Variants in LHFPL4 observed in about 807,000 individuals in gnomAD.
The protein encoded by LHFPL4 is LHFPL tetraspan subfamily member 4 protein.
Under a neutral mutation model 20.0 loss-of-function variants are expected in LHFPL4, and 6 were observed. The observed-to-expected ratio is 0.30, with a 90% CI of 0.16 to 0.59. LHFPL4 has a LOEUF of 0.59. Ranked by LOEUF, LHFPL4 falls within the 20% of genes least tolerant of loss-of-function variation. The probability of loss-of-function intolerance (pLI) is 0.88; values close to 1 mark genes in which losing one functional copy is unlikely to be tolerated. For synonymous variants in LHFPL4, 129 were observed against 143.8 expected, an observed-to-expected ratio of 0.90 and a Z score of 0.74; for missense variants, 215 against 331.2, an observed-to-expected ratio of 0.65 and a Z score of 2.72.
intron 2 of LHFPL4, among the ~76,000 whole-genome samples, chr3:9,511,060 TA>T (rs1193612329): frequency 3.0e-4 from 46 of 151,756 alleles, no homozygotes; most frequent in Non-Finnish European, 6.0e-4. Context: ...ATTATTAATT[TA>T]AAAAATTCAG....
intron 2 of LHFPL4, among the ~76,000 whole-genome samples, chr3:9,512,750 CTT>C (rs1427552199): frequency 6.6e-6 from 1 of 152,202 alleles, no homozygotes; most frequent in Non-Finnish European, 1.5e-5. Flanking sequence ...ACCGGGTACT[CTT>C]TGTCCCATTT....
chr3:9,531,846 GA>G (rs1164445210), intron 2 of LHFPL4, among the ~76,000 whole-genome samples: 1 of 150,576 alleles, frequency 6.6e-6, no homozygotes, highest in Non-Finnish European at 1.5e-5. Context: ...AAAACTAAAG[GA>G]GAGTTCAAAG....
chr3:9,505,911 C>G lies in LHFPL4; in HGVS notation c.643+56G>C. 18 of 1,480,754 alleles carry G rather than the reference C, an allele frequency of 1.2e-5. 1 individual carries two copies. The South Asian group carries it at 1.8e-4, about 15-fold the overall frequency. 91.7% of individuals were successfully genotyped at this position (1,480,754 alleles called of 1,614,324 possible). On this transcript the variant is annotated intron_variant, in intron 3 of 3. Coordinates refer to ENST00000287585, the MANE Select transcript of LHFPL4 (RefSeq NM_198560.3). ...ACTCCTTTTATTTGAAATTATCCTGCCTCCCAGGACCAGGCCTGGCTCCCG... is the reference window on the plus strand; with the variant it reads ...ACTCCTTTTATTTGAAATTATCCTGGCTCCCAGGACCAGGCCTGGCTCCCG...
chr3:9,505,841 G>A (rs2046214254), intron 3 of LHFPL4, 126 bp downstream of exon 3: 2 of 914,584 alleles, frequency 2.2e-6, no homozygotes, highest in Non-Finnish European at 3.4e-6. Context: ...TTATAGGCGT[G>A]AGCCACCACG....
chr3:9,544,651 C>T (rs1559523769), intron 2 of LHFPL4, among the ~76,000 whole-genome samples: 1 of 151,938 alleles, frequency 6.6e-6, no homozygotes, highest in Non-Finnish European at 1.5e-5. Context: ...CAAACAAAAA[C>T]AAATAAAGTC....
At chr3:9,515,467 G>A (rs534782047) in intron 2 of LHFPL4, among the ~76,000 whole-genome samples, 3 of 152,172 alleles carry the variant, frequency 2.0e-5, no homozygotes, top group South Asian at 2.1e-4. Context: ...TCTGCCTTTC[G>A]GGTTCAAGCA....
In LHFPL4 at chr3:9,501,944, A is replaced by G; in HGVS notation, c.*267T>C. 1 of 481,074 alleles carries G rather than the reference A, an allele frequency of 2.1e-6. No individual in the cohort carries two copies. The allele number at this position is 481,074 out of a possible 1,614,324, so 29.8% of individuals were successfully genotyped here. On this transcript the variant is annotated 3_prime_UTR_variant, in exon 4 of 4. Coordinates refer to ENST00000287585, the MANE Select transcript of LHFPL4 (RefSeq NM_198560.3). ...AGGCCAGTCTAGAGAGGAGAGGAGA[A>G]GCCCAAGGGCCTACGCAGATGCAGG... is the stretch of plus-strand genomic sequence containing the variant.
In LHFPL4 at chr3:9,535,773, G is replaced by A. The variant is rs990095115; in HGVS notation, c.406+16501C>T. 4.0e-5 allele frequency among the ~76,000 whole-genome samples: 6 copies of A among 151,784 alleles called. No individual in the cohort carries two copies. The East Asian group carries it at 7.8e-4, about 20-fold the overall frequency. ...CATTGGGGCCACAGCTTGCTTGCTC[G>A]CTTGCTTGCTTTCCTATATTTTTAT... On this transcript the variant is annotated intron_variant, in intron 2 of 3. Coordinates refer to ENST00000287585, the MANE Select transcript of LHFPL4 (RefSeq NM_198560.3).
chr3:9,520,500 C>T (rs914831345), intron 2 of LHFPL4, among the ~76,000 whole-genome samples: 2 of 151,868 alleles, frequency 1.3e-5, no homozygotes, highest in East Asian at 3.9e-4. Context: ...ATTACAGGCA[C>T]GTGCCACCAC....
At chr3:9,504,133 A>G (rs985842504) in intron 3 of LHFPL4, among the ~76,000 whole-genome samples, 10 of 152,024 alleles carry the variant, frequency 6.6e-5, no homozygotes, top group Admixed American at 1.3e-4. Context: ...CACTTTGGGA[A>G]GCTGAGGCAG....
intron 2 of LHFPL4, among the ~76,000 whole-genome samples, chr3:9,549,820 C>T (rs1323219152): frequency 1.3e-5 from 2 of 152,224 alleles, no homozygotes; most frequent in African/African-American, 2.4e-5. Flanking sequence ...TTATCACTTT[C>T]TGAATGGAAT....
intron 2 of LHFPL4, among the ~76,000 whole-genome samples, chr3:9,514,818 C>T (rs2046287417): frequency 6.6e-6 from 1 of 152,186 alleles, no homozygotes; most frequent in East Asian, 1.9e-4. Context: ...TCCATATCTC[C>T]TCATGGCTTC....
chr3:9,533,129 C>G (rs760132223), intron 2 of LHFPL4, among the ~76,000 whole-genome samples: 7 of 152,222 alleles, frequency 4.6e-5, no homozygotes, highest in Non-Finnish European at 1.0e-4. Context: ...CCAGGTATTA[C>G]AGTCTCCAAA....
intron 1 of LHFPL4, among the ~76,000 whole-genome samples, chr3:9,553,182 G>C (rs1256177289): frequency 1.3e-5 from 2 of 151,544 alleles, no homozygotes; most frequent in Non-Finnish European, 2.9e-5. Context: ...AAGGAGGTCT[G>C]GTATTGGGTG....
At chr3:9,522,407 T>C (rs2046343973) in intron 2 of LHFPL4, among the ~76,000 whole-genome samples, 1 of 152,178 alleles carries the variant, frequency 6.6e-6, no homozygotes, top group Non-Finnish European at 1.5e-5. Flanking sequence ...TGTTGCTCTA[T>C]TTTAAACAAA....
At chr3:9,514,162 T>G (rs577856137) in intron 2 of LHFPL4, among the ~76,000 whole-genome samples, 1 of 152,118 alleles carries the variant, frequency 6.6e-6, no homozygotes, top group African/African-American at 2.4e-5. Context: ...AAAAAGAAGG[T>G]TAGTAGTGGT....
At chr3:9,542,338 A>AAT (rs2046482090) in intron 2 of LHFPL4, among the ~76,000 whole-genome samples, 6 of 152,200 alleles carry the variant, frequency 3.9e-5, no homozygotes, top group Admixed American at 3.9e-4. Context: ...TCTTCATAAT[A>AAT]GCCAAAAGGT....
chr3:9,500,004 G>A lies in LHFPL4; in HGVS notation c.*2207C>T, dbSNP rs1011956742. 1 of 147,846 alleles carries A rather than the reference G, an allele frequency of 6.8e-6. No individual in the cohort carries two copies. Among genetic ancestry groups the A allele is most frequent in the Non-Finnish European group, 1.5e-5 (1 of 67,592 alleles). The allele number at this position is 147,846 out of a possible 1,614,324, so 9.2% of individuals were successfully genotyped here. A position where few individuals can be genotyped will look rare whatever the true frequency, so the allele number is the denominator to read the frequency against. On this transcript the variant is annotated 3_prime_UTR_variant, in exon 4 of 4. Coordinates refer to ENST00000287585, the MANE Select transcript of LHFPL4 (RefSeq NM_198560.3). ...CAAGCTCTCGGGCAGCCTCTCAGCT[G>A]GTCTCTCATCTCTCTCCACCTCTGC...
At chr3:9,524,201 T>C (rs1313732628) in intron 2 of LHFPL4, among the ~76,000 whole-genome samples, 2 of 151,982 alleles carry the variant, frequency 1.3e-5, no homozygotes, top group African/African-American at 2.4e-5. Flanking sequence ...GGTGTAGGGT[T>C]TTTTGTTTGT....
Sources: gnomAD v4.1 joint callset for allele counts (sites outside exome capture counted in the v4.1 genomes callset) on GRCh38, gnomAD v4.1.1 for gene constraint, MANE v1.5 for transcripts, NCBI Gene and HGNC (gene_info 2026-07-23, HGNC 2026-07-21) for gene names.